CSMD1: variants seen among roughly 807,000 people sequenced by gnomAD.
CSMD1 encodes the protein CUB and Sushi multiple domains 1, also known as CUB and sushi domain-containing protein 1.
A neutral mutation model predicts 417.5 loss-of-function variants in CSMD1; 213 were observed. The observed-to-expected ratio is 0.51, with a 90% CI of 0.46 to 0.57. The LOEUF is 0.57. Among genes scored for constraint, CSMD1 ranks in the 20% least tolerant of loss-of-function variants. The pLI is 0.00. For synonymous variants in CSMD1, 2,862 were observed against 1,736.8 expected (o/e 1.65, Z -16.11); for missense variants, 6,923 against 4,529.7 (o/e 1.53, Z -15.17).
intron 3 of CSMD1, among the ~76,000 whole-genome samples, chr8:4,101,491 TCAGTCACCCTG>T (rs1201697933): frequency 6.6e-6 from 1 of 152,254 alleles, no homozygotes; most frequent in East Asian, 1.9e-4. Flanking sequence ...GCAGCTGTCC[TCAGTCACCCTG>T]CAGTCACCAA....
chr8:4,043,395 A>C (rs1797991997), intron 3 of CSMD1, among the ~76,000 whole-genome samples: 1 of 152,230 alleles, frequency 6.6e-6, no homozygotes, highest in Non-Finnish European at 1.5e-5. Flanking sequence ...ACCAATAAAC[A>C]TAGGAAGCGT....
intron 1 of CSMD1, among the ~76,000 whole-genome samples, chr8:4,841,886 G>A (rs987918381): frequency 1.5e-5 from 2 of 129,288 alleles, no homozygotes; most frequent in Admixed American, 8.1e-5. Context: ...ACTCTAGCCG[G>A]GGCAACAAGA....
At chr8:4,890,446 G>A (rs1273716514) in intron 1 of CSMD1, among the ~76,000 whole-genome samples, 1 of 150,852 alleles carries the variant, frequency 6.6e-6, no homozygotes, top group Non-Finnish European at 1.5e-5. Context: ...CGCAGGACAG[G>A]TGAGAACGTG....
At chr8:3,306,520 G>C (rs1282728786) in intron 25 of CSMD1, among the ~76,000 whole-genome samples, 1 of 152,194 alleles carries the variant, frequency 6.6e-6, no homozygotes, top group African/African-American at 2.4e-5. Flanking sequence ...AGGAGCTGAA[G>C]CAGCTGGGCT....
chr8:4,651,656 T>C (rs1273732280), intron 1 of CSMD1, among the ~76,000 whole-genome samples: 1 of 152,344 alleles, frequency 6.6e-6, no homozygotes, highest in East Asian at 1.9e-4. Context: ...GGGATAATTC[T>C]CTTTCAATTT....
intron 12 of CSMD1, among the ~76,000 whole-genome samples, chr8:3,422,665 T>A (rs1813568514): frequency 6.6e-6 from 1 of 152,234 alleles, no homozygotes; most frequent in Non-Finnish European, 1.5e-5. Context: ...CTATTTTCGA[T>A]GCATTTTTCT....
At chr8:4,956,520 T>C (rs967105351) in intron 1 of CSMD1, among the ~76,000 whole-genome samples, 1 of 149,052 alleles carries the variant, frequency 6.7e-6, no homozygotes, top group Non-Finnish European at 1.5e-5. Flanking sequence ...TACACACGTA[T>C]TTTAAATATA....
At chr8:3,345,324 G>T (rs1276163626) in intron 22 of CSMD1, among the ~76,000 whole-genome samples, 1 of 152,116 alleles carries the variant, frequency 6.6e-6, no homozygotes, top group Non-Finnish European at 1.5e-5. Flanking sequence ...TGAATCGTAA[G>T]ATTCTTCAGA....
intron 3 of CSMD1, among the ~76,000 whole-genome samples, chr8:4,235,859 TCTAA>T (rs1208640137): frequency 1.3e-5 from 2 of 152,162 alleles, no homozygotes; most frequent in African/African-American, 4.8e-5. Flanking sequence ...ATCCTTTGAT[TCTAA>T]CTGAGGAATA....
At chr8:3,083,002 G>A (rs1467660983) in intron 49 of CSMD1, among the ~76,000 whole-genome samples, 2 of 152,112 alleles carry the variant, frequency 1.3e-5, no homozygotes, top group Non-Finnish European at 2.9e-5. Context: ...TAATTTAGCT[G>A]GGGTTTTTGA....
intron 37 of CSMD1, among the ~76,000 whole-genome samples, chr8:3,165,071 G>A (rs1384938121): frequency 6.6e-6 from 1 of 151,930 alleles, no homozygotes; most frequent in Non-Finnish European, 1.5e-5. Flanking sequence ...TTTGACCGGT[G>A]TTTAACATGG....
chr8:3,993,997 G>C (rs777712215), intron 5 of CSMD1, among the ~76,000 whole-genome samples: 16 of 152,172 alleles, frequency 1.1e-4, no homozygotes, highest in Non-Finnish European at 2.1e-4. Context: ...AACTGCAAGG[G>C]GATGGGCGTG....
chr8:4,747,164 G>T (rs78055712), intron 1 of CSMD1, among the ~76,000 whole-genome samples: 7,428 of 152,138 alleles, frequency 0.049, 261 homozygotes, highest in East Asian at 0.23. Context: ...TTACTTATAG[G>T]GGGAGAGGAA....
chr8:2,964,844 C>A (rs1374713170), intron 59 of CSMD1, among the ~76,000 whole-genome samples: 2 of 152,154 alleles, frequency 1.3e-5, no homozygotes, highest in Non-Finnish European at 2.9e-5. Context: ...TTTGAGCATT[C>A]AGGTCACATT....
intron 2 of CSMD1, among the ~76,000 whole-genome samples, chr8:4,607,221 G>A (rs1800923958): frequency 6.6e-6 from 1 of 152,140 alleles, no homozygotes; most frequent in South Asian, 2.1e-4. Context: ...TAGACAATGG[G>A]CAAATAAACA....
intron 1 of CSMD1, among the ~76,000 whole-genome samples, chr8:4,808,297 T>A (rs1014658567): frequency 1.3e-5 from 2 of 152,154 alleles, no homozygotes; most frequent in Admixed American, 6.5e-5. Context: ...GCTAATTATT[T>A]GCTTTAAAGA....
chr8:4,865,081 G>A (rs539019822), intron 1 of CSMD1, among the ~76,000 whole-genome samples: 26 of 151,508 alleles, frequency 1.7e-4, no homozygotes, highest in African/African-American at 5.8e-4. Flanking sequence ...GGTACACGTG[G>A]TTTTCTGTTA....
At chr8:4,635,383 T>C (rs1251439812) in intron 2 of CSMD1, among the ~76,000 whole-genome samples, 4 of 152,110 alleles carry the variant, frequency 2.6e-5, no homozygotes, top group African/African-American at 7.2e-5. Flanking sequence ...GTTTTATATT[T>C]ATTAATATAA....
intron 7 of CSMD1, among the ~76,000 whole-genome samples, chr8:3,641,914 G>C (rs1034450382): frequency 1.3e-5 from 2 of 152,170 alleles, no homozygotes; most frequent in Non-Finnish European, 2.9e-5. Context: ...AACTAATTCT[G>C]ATTAAGGTTA....
Sources: allele counts gnomAD v4.1 joint callset (sites outside exome capture counted in the v4.1 genomes callset), GRCh38; gene constraint gnomAD v4.1.1; transcripts MANE v1.5; gene names NCBI Gene and HGNC (gene_info 2026-07-23, HGNC 2026-07-21).